THBS4: variants seen among roughly 807,000 people sequenced by gnomAD.
THBS4 encodes thrombospondin 4.
A neutral mutation model predicts 115.7 loss-of-function variants in THBS4; 90 were observed. That is an observed-to-expected ratio of 0.78 (90% CI 0.66 to 0.93). The LOEUF (loss-of-function observed/expected upper bound fraction) is 0.93. THBS4 is among the 40% of genes least tolerant of loss of function. THBS4 has a pLI of 0.00. For missense variants in THBS4, 1,087 were observed against 1,232.7 expected (o/e 0.88, Z 1.77); for synonymous variants, 460 against 479.3 (o/e 0.96, Z 0.53).
At chr5:80,014,126 C>T (rs1346175704) in intron 2 of THBS4, among the ~76,000 whole-genome samples, 1 of 151,646 alleles carries the variant, frequency 6.6e-6, no homozygotes, top group Non-Finnish European at 1.5e-5. Flanking sequence ...CTTTGGGATA[C>T]AGCACAGTGT....
At chr5:80,013,246 T>G (rs1832182165) in intron 2 of THBS4, among the ~76,000 whole-genome samples, 1 of 152,106 alleles carries the variant, frequency 6.6e-6, no homozygotes, top group African/African-American at 2.4e-5. Flanking sequence ...TTCAAGTGAT[T>G]CTCCTGCCTC....
intron 1 of THBS4, among the ~76,000 whole-genome samples, chr5:79,996,218 C>T (rs1287073484): frequency 6.6e-6 from 1 of 151,952 alleles, no homozygotes; most frequent in Non-Finnish European, 1.5e-5. Context: ...TGCTGACAGT[C>T]GTAAAGGTCA....
At position 80,079,170 on chromosome 5, in the gene THBS4, T is replaced by C; in HGVS notation, c.2423T>C (p.Phe808Ser). The C allele has an allele frequency of 6.2e-7, 1 of 1,614,228 alleles. No individual in the cohort carries two copies. Among genetic ancestry groups the C allele is most frequent in the African/African-American group, 1.3e-5 (1 of 75,054 alleles). Residue 808 changes from phenylalanine to serine, a missense_variant, in exon 19 of 22, where the codon TTC (phenylalanine) becomes TCC (serine). Physicochemically the swap from Phe to Ser is radical, Grantham distance 155. This residue lies in a region of THBS4 where 979 missense variants were observed against 1,103.7 expected (regional missense o/e 0.89). Transcript: ENST00000350881. ...TTTGGCTACCAAGATAGCTCCAGCT[T>C]CTACGTGGTCATGTGGAAGCAGACG... ...FIFGYQDSSSFYVVMWKQTEQ... is the reference protein window; with the variant it reads ...FIFGYQDSSSSYVVMWKQTEQ...
chr5:80,061,466 C>G (rs1352062913), intron 7 of THBS4, among the ~76,000 whole-genome samples: 1 of 152,184 alleles, frequency 6.6e-6, no homozygotes, highest in African/African-American at 2.4e-5. Context: ...ACCCTTTCAA[C>G]ATGCATGTGC....
chr5:80,052,082 G>A (rs1383686340), intron 2 of THBS4, among the ~76,000 whole-genome samples: 2 of 152,188 alleles, frequency 1.3e-5, no homozygotes, highest in Non-Finnish European at 2.9e-5. Flanking sequence ...GGTGGTCCAA[G>A]TGGTATTTTT....
intron 1 of THBS4, among the ~76,000 whole-genome samples, chr5:79,997,496 A>C (rs925716030): frequency 6.6e-6 from 1 of 152,230 alleles, no homozygotes; most frequent in Non-Finnish European, 1.5e-5. Context: ...CAGTGCTTCA[A>C]AATACATGAA....
intron 10 of THBS4, chr5:80,068,573 C>T (rs1359835101): frequency 1.2e-5 from 2 of 171,676 alleles, no homozygotes; most frequent in African/African-American, 4.8e-5. Context: ...TGCCTTGACG[C>T]TCCTGTTGGG....
In THBS4 at chr5:80,080,579, C is replaced by CTTTTTTTTTTTTTTTTTT. The variant is rs67048630; in HGVS notation, c.2684+510_2684+527dup. The stretch of plus-strand genomic sequence containing the variant: ...AACTGCATGAGAGCAGCGCTTGTAT[C>CTTTTTTTTTTTTTTTTTT]TTTTTTTTTTTTTTTTTTTTTTTTT... On this transcript the variant is annotated intron_variant, in intron 20 of 21. Transcript: ENST00000350881. Among the ~76,000 whole-genome samples the CTTTTTTTTTTTTTTTTTT allele has an allele frequency of 5.6e-3, 285 of 50,484 alleles. 50 individuals are homozygous for CTTTTTTTTTTTTTTTTTT. Among genetic ancestry groups the CTTTTTTTTTTTTTTTTTT allele is most frequent in the Middle Eastern group, 0.045 (2 of 44 alleles). 33.1% of individuals were successfully genotyped at this position (50,484 alleles called of 152,430 possible).
At chr5:80,036,056 T>A (rs1040387877) in intron 1 of THBS4, 2 of 991,822 alleles carry the variant, frequency 2.0e-6, no homozygotes, top group Non-Finnish European at 1.2e-6. Context: ...GCTCTTGACA[T>A]CCCTGAGAAA....
intron 20 of THBS4, among the ~76,000 whole-genome samples, chr5:80,080,577 A>ATATTTTTTTTTTTTTTTTTTT (rs1743442985): frequency 1.5e-5 from 1 of 66,826 alleles, no homozygotes; most frequent in African/African-American, 5.5e-5. Context: ...CAGCGCTTGT[A>ATATTTTTTTTTTTTTTTTTTT]TCTTTTTTTT....
intron 2 of THBS4, among the ~76,000 whole-genome samples, chr5:80,013,124 TTTTTGTTTTTTG>T (rs1832161218): frequency 6.6e-6 from 1 of 152,018 alleles, no homozygotes; most frequent in Non-Finnish European, 1.5e-5. Context: ...TTTGTTTTGT[TTTTTGTTTTTTG>T]TTTTGTTTTG....
At position 80,082,517 on chromosome 5, in the gene THBS4, C is replaced by T; in HGVS notation, c.2796C>T (p.Ile932=). 6.2e-7 allele frequency: 1 copy of T among 1,614,234 alleles called. No homozygotes were observed. Among genetic ancestry groups the T allele is most frequent in the Non-Finnish European group, 8.5e-7 (1 of 1,180,048 alleles). ...GVFCFSQENI[I]WSNLKYRCND... ...TCTGCTTCTCTCAAGAAAACATCAT[C>T]TGGTCCAACCTCAAGTATCGCTGCA... Residue 932 remains isoleucine (I), a synonymous_variant, in exon 21 of 22, where the codon ATC becomes ATT. Coordinates refer to ENST00000350881, the MANE Select transcript of THBS4 (RefSeq NM_003248.6).
intron 1 of THBS4, among the ~76,000 whole-genome samples, chr5:79,996,380 A>G (rs1290815685): frequency 6.6e-6 from 1 of 152,142 alleles, no homozygotes; most frequent in East Asian, 1.9e-4. Flanking sequence ...ATCAATTTAT[A>G]TTTTACCAAT....
At chr5:80,043,798 T>A (rs1267669518) in intron 2 of THBS4, among the ~76,000 whole-genome samples, 1 of 152,210 alleles carries the variant, frequency 6.6e-6, no homozygotes, top group African/African-American at 2.4e-5. Context: ...ACAAACATAA[T>A]TTGGATCAAG....
Position 80,059,466 on chromosome 5 carries a change from C to T in THBS4, c.759C>T (p.Asn253=). 6.2e-7 allele frequency: 1 copy of T among 1,613,852 alleles called. No homozygotes were observed. The highest frequency in any genetic ancestry group is 8.5e-7 in the Non-Finnish European group (1 of 1,180,002). ...QQVKETSFLR[N]TIAECQACGP... ...TTAAGGAAACATCATTTTTGCGAAA[C>T]ACCATAGCTGAATGCCAGGCTTGCG... Residue 253 remains asparagine, a synonymous_variant, in exon 6 of 22, where the codon AAC becomes AAT. Coordinates refer to ENST00000350881, the MANE Select transcript of THBS4 (RefSeq NM_003248.6).
At position 80,056,013 on chromosome 5, in the gene THBS4, C is replaced by CT; in HGVS notation, c.524dup (p.Gln176ProfsTer34). 1.9e-6 allele frequency: 3 copies of CT among 1,609,616 alleles called. No homozygotes were observed. Among genetic ancestry groups the CT allele is most frequent in the Non-Finnish European group, 2.5e-6 (3 of 1,177,202 alleles). On this transcript the variant is annotated frameshift_variant, in exon 3 of 22. Coordinates refer to ENST00000350881, the MANE Select transcript of THBS4 (RefSeq NM_003248.6). LOFTEE classifies it high-confidence loss of function. ...AAACCTGAGACCATTGAATTGAGGA[C>CT]TTTCCAGAGGAAGCCACAGGTAGGA...
intron 8 of THBS4, 37 bp downstream of exon 8, chr5:80,061,869 T>C (rs1441890126): frequency 6.4e-7 from 1 of 1,570,446 alleles, no homozygotes; most frequent in African/African-American, 1.4e-5. Flanking sequence ...ATTTCTCATC[T>C]TAACAAAACA....
At chr5:80,082,118 T>A in intron 20 of THBS4, 1 of 348,480 alleles carries the variant, frequency 2.9e-6, no homozygotes, top group Non-Finnish European at 5.2e-6. Flanking sequence ...AGTTTGATAG[T>A]GTGACCAACA....
Position 80,072,398 on chromosome 5 carries a change from T to G in THBS4, c.1839+2T>G. The G allele has an allele frequency of 6.2e-7, 1 of 1,612,368 alleles. No individual in the cohort carries two copies. The highest frequency in any genetic ancestry group is 8.5e-7 in the Non-Finnish European group (1 of 1,178,452). ...CCTGATGTCAGCAACCCTAACCAGG[T>G]TAGTAGGATACTGGGGAATTCAAAC... is the stretch of plus-strand genomic sequence containing the variant. On this transcript the variant is annotated splice_donor_variant, in intron 14 of 21. Transcript: ENST00000350881. LOFTEE classifies it high-confidence loss of function.
Sources: gnomAD v4.1 joint callset for allele counts (sites outside exome capture counted in the v4.1 genomes callset) on GRCh38, gnomAD v4.1.1 for gene constraint, gnomAD v4.1.1 regional missense constraint, MANE v1.5 for transcripts, NCBI Gene and HGNC (gene_info 2026-07-23, HGNC 2026-07-21) for gene names.